The following RPRD2 variants were observed in gnomAD, a reference collection of about 807,000 sequenced individuals.
RPRD2 encodes the protein regulation of nuclear pre-mRNA domain containing 2.
In RPRD2, 12 loss-of-function variants were observed where a neutral mutation model predicts 104.4. That is an observed-to-expected ratio of 0.11 (90% CI 0.07 to 0.19). RPRD2 has a LOEUF of 0.19. Among genes scored for constraint, RPRD2 ranks in the 10% least tolerant of loss-of-function variants. The pLI is 1.00. For missense variants in RPRD2, 1,543 were observed against 1,790.1 expected (o/e 0.86, Z 2.49); for synonymous variants, 714 against 684.9 (o/e 1.04, Z -0.66).
rs1319673623 is a variant in RPRD2, at chr1:150,476,154, TGATTCCAGGGA to T, written c.*2822_*2832del. ...AGTTGAGAGTAAATAGAATTTGGTT[TGATTCCAGGGA>T]GGGGAAAATAAGCAGAGAATAGGAC... On this transcript the variant is annotated 3_prime_UTR_variant, in exon 11 of 11. Coordinates refer to ENST00000369068, the MANE Select transcript of RPRD2 (RefSeq NM_015203.5). 2 of 152,238 alleles carry T rather than the reference TGATTCCAGGGA, an allele frequency of 1.3e-5. No individual in the cohort carries two copies. The highest frequency in any genetic ancestry group is 2.9e-5 in the Non-Finnish European group (2 of 68,048). 9.4% of individuals were successfully genotyped at this position (152,238 alleles called of 1,614,324 possible).
chr1:150,404,973 C>A (rs1275223473), intron 1 of RPRD2, among the ~76,000 whole-genome samples: 1 of 152,172 alleles, frequency 6.6e-6, no homozygotes, highest in Non-Finnish European at 1.5e-5. Context: ...ATAGCATGTG[C>A]TTTGCATGAA....
intron 2 of RPRD2, among the ~76,000 whole-genome samples, chr1:150,432,372 T>C (rs587744959): frequency 1.3e-5 from 2 of 152,112 alleles, no homozygotes; most frequent in South Asian, 2.1e-4. Context: ...GGGGGAGTTA[T>C]TGGTACAGAG....
chr1:150,443,336 TTA>T, intron 5 of RPRD2, 53 bp downstream of exon 5: 1 of 1,260,638 alleles, frequency 7.9e-7, no homozygotes, highest in South Asian at 1.3e-5. Flanking sequence ...CCCTTTTGTA[TTA>T]TAGTTTCCTG....
At position 150,472,460 on chromosome 1, in the gene RPRD2, C is replaced by T. The variant is rs745863291; in HGVS notation, c.3512C>T (p.Ala1171Val). 1.2e-6 allele frequency: 2 copies of T among 1,613,962 alleles called. No individual in the cohort carries two copies. The highest frequency in any genetic ancestry group is 1.7e-6 in the Non-Finnish European group (2 of 1,179,880). The part of the protein sequence containing the change: ...GFKTAPYKER[A>V]PQFQESVGSF... ...AAAACAGCACCATACAAGGAACGGG[C>T]ACCTCAATTTCAGGAGAGTGTCGGC... Residue 1171 changes from alanine (A) to valine (V), a missense_variant, in exon 11 of 11, where the codon GCA becomes GTA. By Grantham distance (64) the Ala-to-Val change is moderately conservative. Coordinates refer to ENST00000369068, the MANE Select transcript of RPRD2 (RefSeq NM_015203.5).
rs587666840 is a variant in RPRD2 at position 150,411,180 on chromosome 1, C to T, written c.206-6416C>T. On this transcript the variant is annotated intron_variant, in intron 1 of 10. Coordinates refer to ENST00000369068, the MANE Select transcript of RPRD2 (RefSeq NM_015203.5). ...TATTAAATAAGTTAAAAATTATAGG[C>T]GGGGCGCAGTGGCTCATGCCTGTAA... Among the ~76,000 whole-genome samples the T allele has an allele frequency of 7.2e-5, 11 of 152,188 alleles. No individual in the cohort carries two copies. The South Asian group carries it at 8.3e-4, about 11-fold the overall frequency.
intron 7 of RPRD2, among the ~76,000 whole-genome samples, chr1:150,448,543 TGCTAC>T: frequency 6.6e-6 from 1 of 152,206 alleles, no homozygotes; most frequent in African/African-American, 2.4e-5. Context: ...AATTACTCTT[TGCTAC>T]TCTAAAGGTT....
chr1:150,443,403 G>T (rs1294941742), intron 5 of RPRD2, 120 bp downstream of exon 5: 3 of 730,092 alleles, frequency 4.1e-6, no homozygotes, highest in Non-Finnish European at 6.6e-6. Context: ...TTTTAAACAT[G>T]CATGAACTGT....
chr1:150,441,854 G>C, intron 3 of RPRD2, 27 bp from the exon 4 acceptor site: 1 of 1,588,402 alleles, frequency 6.3e-7, no homozygotes. Context: ...CATAATGCCA[G>C]ATTGCAAAAA....
intron 8 of RPRD2, among the ~76,000 whole-genome samples, chr1:150,458,067 T>G (rs1667660236): frequency 6.6e-6 from 1 of 151,952 alleles, no homozygotes; most frequent in South Asian, 2.1e-4. Flanking sequence ...AGACTCCGTC[T>G]TGGGGGGACG....
intron 1 of RPRD2, 149 bp from the exon 2 acceptor site, chr1:150,417,447 T>A (rs1299195908): frequency 1.7e-6 from 1 of 578,928 alleles, no homozygotes. Context: ...CTTCCTCCCT[T>A]CCATCCATGT....
At chr1:150,414,201 GAAGTAGTTA>G (rs1258677319) in intron 1 of RPRD2, among the ~76,000 whole-genome samples, 1 of 152,206 alleles carries the variant, frequency 6.6e-6, no homozygotes, top group Non-Finnish European at 1.5e-5. Context: ...TACATAGGTT[GAAGTAGTTA>G]AAGCAACTAG....
At position 150,470,818 on chromosome 1, in the gene RPRD2, C is replaced by A; in HGVS notation, c.1870C>A (p.Leu624Ile). 1 of 1,614,012 alleles carries A rather than the reference C, an allele frequency of 6.2e-7. No homozygotes were observed. The highest frequency in any genetic ancestry group is 8.5e-7 in the Non-Finnish European group (1 of 1,179,906). Residue 624 changes from leucine to isoleucine, a missense_variant, in exon 11 of 11, where the codon CTA becomes ATA. Around this residue, in one of 4 missense-constraint regions of RPRD2, gnomAD observed 572 missense variants for 787.3 expected, o/e 0.73. Transcript: ENST00000369068. ...AGGGCTCCCAAGCACTACTTTTAAA[C>A]TACCTTCCAACTCTTTGGGGTTTAC... ...SPGLPSTTFK[L>I]PSNSLGFTAT...
chr1:150,405,337 C>G (rs1444694430), intron 1 of RPRD2, among the ~76,000 whole-genome samples: 1 of 151,928 alleles, frequency 6.6e-6, no homozygotes, highest in Non-Finnish European at 1.5e-5. Context: ...GACTTGGCTT[C>G]TAAAGTCAGT....
chr1:150,370,572 C>CTTTTTTTTTTTTT (rs11288735), intron 1 of RPRD2, among the ~76,000 whole-genome samples: 1 of 109,748 alleles, frequency 9.1e-6, no homozygotes, highest in Non-Finnish European at 1.8e-5. Flanking sequence ...TCCATTTTGT[C>CTTTTTTTTTTTTT]TTTTTTTTTT....
At chr1:150,429,900 G>A (rs1553891295) in intron 2 of RPRD2, among the ~76,000 whole-genome samples, 1 of 152,204 alleles carries the variant, frequency 6.6e-6, no homozygotes, top group East Asian at 1.9e-4. Flanking sequence ...GAATGGCAAA[G>A]CTAACATTAA....
intron 1 of RPRD2, among the ~76,000 whole-genome samples, chr1:150,401,958 A>AT (rs58949257): frequency 2.7e-4 from 37 of 135,396 alleles, no homozygotes; most frequent in East Asian, 1.2e-3. Flanking sequence ...TTTTTTTTTA[A>AT]TTTTTTTTTT....
chr1:150,452,141 C>CA (rs34342843), intron 7 of RPRD2, among the ~76,000 whole-genome samples: 37,372 of 110,686 alleles, frequency 0.34, 6,474 homozygotes, highest in Middle Eastern at 0.43. Flanking sequence ...GACTCTGTCT[C>CA]AAAAAAAAAA....
chr1:150,437,503 T>C (rs912080683), intron 2 of RPRD2, among the ~76,000 whole-genome samples: 1 of 152,150 alleles, frequency 6.6e-6, no homozygotes, highest in Admixed American at 6.5e-5. Context: ...AACTAACATA[T>C]GGATATTGTT....
chr1:150,411,303 A>G (rs1423592652), intron 1 of RPRD2, among the ~76,000 whole-genome samples: 1 of 148,988 alleles, frequency 6.7e-6, no homozygotes, highest in Non-Finnish European at 1.5e-5. Flanking sequence ...TCTACTAAAA[A>G]TACAAAAATT....
Sources: gnomAD v4.1 joint callset for allele counts (sites outside exome capture counted in the v4.1 genomes callset) on GRCh38, gnomAD v4.1.1 for gene constraint, gnomAD v4.1.1 regional missense constraint, MANE v1.5 for transcripts, NCBI Gene and HGNC (gene_info 2026-07-23, HGNC 2026-07-21) for gene names.